Variants in SVIL observed in about 807,000 individuals in gnomAD.
SVIL encodes supervillin, also known as archvillin.
A neutral mutation model predicts 240.4 loss-of-function variants in SVIL; 101 were observed. That is an observed-to-expected ratio of 0.42 (90% CI 0.36 to 0.50). SVIL has a LOEUF of 0.50. Ranked by LOEUF, SVIL falls within the 20% of genes least tolerant of loss-of-function variation. SVIL has a pLI of 0.01. For synonymous variants in SVIL, 999 were observed against 1,100.0 expected (o/e 0.91, Z 1.82); for missense variants, 2,512 against 2,818.7 (o/e 0.89, Z 2.46).
chr10:29,624,844 G>T (rs1014809414), intron 1 of SVIL, among the ~76,000 whole-genome samples: 4 of 152,166 alleles, frequency 2.6e-5, no homozygotes, highest in Non-Finnish European at 5.9e-5. Flanking sequence ...TTATTTTCAT[G>T]TGGAGAGCTA....
At chr10:29,645,460 C>G (rs1958624627) in intron 3 of SVIL, among the ~76,000 whole-genome samples, 1 of 152,162 alleles carries the variant, frequency 6.6e-6, no homozygotes, top group East Asian at 1.9e-4. Context: ...GTCCAAACTA[C>G]TCGGGAGGCT....
At chr10:29,721,706 T>C (rs185296097) in intron 1 of SVIL, among the ~76,000 whole-genome samples, 2 of 152,272 alleles carry the variant, frequency 1.3e-5, no homozygotes, top group South Asian at 2.1e-4. Flanking sequence ...TGCATCCAAA[T>C]ACATGAAGCA....
chr10:29,599,388 T>TG (rs1422995914), intron 1 of SVIL, among the ~76,000 whole-genome samples: 10 of 151,780 alleles, frequency 6.6e-5, no homozygotes, highest in African/African-American at 2.4e-4. Context: ...TGCCCTCCAT[T>TG]TTTTTTTGTT....
intron 1 of SVIL, among the ~76,000 whole-genome samples, chr10:29,590,872 AG>A (rs1956364118): frequency 6.6e-6 from 1 of 152,262 alleles, no homozygotes; most frequent in African/African-American, 2.4e-5. Context: ...CCCTGGTGGC[AG>A]AAAAGAATCA....
intron 1 of SVIL, among the ~76,000 whole-genome samples, chr10:29,705,619 T>TA (rs772885099): frequency 2.0e-5 from 3 of 152,148 alleles, no homozygotes; most frequent in Non-Finnish European, 4.4e-5. Context: ...CTATTTGTCC[T>TA]AATGCTTTCC....
At chr10:29,465,060 C>G (rs1391099514) in intron 34 of SVIL, among the ~76,000 whole-genome samples, 1 of 152,208 alleles carries the variant, frequency 6.6e-6, no homozygotes, top group Non-Finnish European at 1.5e-5. Flanking sequence ...CTTCCCCAGG[C>G]TCCCTTGCAG....
intron 1 of SVIL, among the ~76,000 whole-genome samples, chr10:29,627,105 A>G (rs960933729): frequency 1.3e-5 from 2 of 152,220 alleles, no homozygotes; most frequent in African/African-American, 4.8e-5. Context: ...TGAAGCCATC[A>G]GAGAAGGGAG....
rs1228136597 is a variant in SVIL, at chr10:29,556,823, G to GCA, written c.-50-1716_-50-1715insTG. Among the ~76,000 whole-genome samples, 3 of 152,230 alleles carry GCA rather than the reference G, an allele frequency of 2.0e-5. No homozygotes were observed. In the East Asian group the frequency reaches 5.8e-4, roughly 29 times the overall value. The stretch of plus-strand genomic sequence containing the variant: ...GGGATTATGGTGATACAACTTTAAT[G>GCA]GCTGGTAGGACATATTTTGAAAATA... On this transcript the variant is annotated intron_variant, in intron 3 of 37. Transcript: ENST00000355867.
At chr10:29,716,754 A>C (rs904981429) in intron 1 of SVIL, among the ~76,000 whole-genome samples, 6 of 152,256 alleles carry the variant, frequency 3.9e-5, no homozygotes, top group African/African-American at 1.4e-4. Flanking sequence ...GGATTCTTGA[A>C]GCAGTTTATG....
At position 29,532,804 on chromosome 10, in the gene SVIL, A is replaced by C. The variant is rs757952518; in HGVS notation, c.1563T>G (p.Ser521Arg). 1.2e-6 allele frequency: 2 copies of C among 1,613,910 alleles called. No homozygotes were observed. Among genetic ancestry groups the C allele is most frequent in the African/African-American group, 2.7e-5 (2 of 74,872 alleles). Residue 521 changes from serine (S) to arginine (R), a missense_variant, in exon 8 of 38, where the codon AGT becomes AGG. Coordinates refer to ENST00000355867, the MANE Select transcript of SVIL (RefSeq NM_021738.3). ...GRSEMVLYIQ[S>R]EPVSQDAKPT... ...GTTTGGCGTCTTGGGACACAGGCTC[A>C]CTTTGAATGTAGAGAACCATCTCGC...
In SVIL at chr10:29,536,042, A is replaced by G. The variant is rs1163493177; in HGVS notation, c.855T>C (p.Phe285=). The G allele has an allele frequency of 1.2e-6, 2 of 1,614,234 alleles. No individual in the cohort carries two copies. The highest frequency in any genetic ancestry group is 4.5e-5 in the East Asian group (2 of 44,888). ...PSTGKPKHEW[F]LQKDSEGDTP... Reference sequence around the variant, plus strand: ...TGTCCCCTTCGGAATCTTTCTGGAGAAACCACTCATGTTTGGGTTTCCCTG... The same window carrying G: ...TGTCCCCTTCGGAATCTTTCTGGAGGAACCACTCATGTTTGGGTTTCCCTG... The change falls in exon 7 of 38, where the codon TTT becomes TTC. Residue 285 remains phenylalanine (F), a synonymous_variant. Coordinates refer to ENST00000355867, the MANE Select transcript of SVIL (RefSeq NM_021738.3).
In SVIL at chr10:29,523,538, G is replaced by A; in HGVS notation, c.3076C>T (p.Gln1026Ter). 1 of 1,614,148 alleles carries A rather than the reference G, an allele frequency of 6.2e-7. No individual in the cohort carries two copies. Among genetic ancestry groups the A allele is most frequent in the Non-Finnish European group, 8.5e-7 (1 of 1,180,026 alleles). Residue 1026 changes from glutamine (Q) to a stop codon, truncating the protein, a stop_gained, in exon 15 of 38, where the codon CAA (glutamine) becomes TAA (stop). Transcript: ENST00000355867. LOFTEE classifies it high-confidence loss of function. ...CTGTCCCTCAAGTCCAAGTTTCCTT[G>A]TGCATTCATTTTAGCCATGGAAAAT... ...KEFSMAKMNA[Q>*]GNLDLRDRLP...
chr10:29,478,860 G>GGCT (rs1449659818), intron 29 of SVIL, among the ~76,000 whole-genome samples: 8 of 146,670 alleles, frequency 5.5e-5, no homozygotes, highest in African/African-American at 2.0e-4. Flanking sequence ...GGGAGGTCAA[G>GGCT]GCTGCAGTGA....
At chr10:29,551,517 C>G (rs1953334522) in intron 5 of SVIL, among the ~76,000 whole-genome samples, 1 of 152,252 alleles carries the variant, frequency 6.6e-6, no homozygotes, top group African/African-American at 2.4e-5. Flanking sequence ...GCTTTAACTT[C>G]AGCTCAGCCC....
chr10:29,584,193 G>A (rs1017268892), intron 1 of SVIL, among the ~76,000 whole-genome samples: 4 of 152,224 alleles, frequency 2.6e-5, no homozygotes, highest in African/African-American at 9.6e-5. Flanking sequence ...CAGTGTGGGA[G>A]CTGGAACTGG....
chr10:29,489,039 C>G (rs923078317), intron 22 of SVIL, among the ~76,000 whole-genome samples: 1 of 152,232 alleles, frequency 6.6e-6, no homozygotes, highest in African/African-American at 2.4e-5. Context: ...TACTTTAGTA[C>G]AAAACCAGGA....
chr10:29,646,870 G>A (rs1460908440), intron 3 of SVIL, among the ~76,000 whole-genome samples: 2 of 152,118 alleles, frequency 1.3e-5, no homozygotes, highest in African/African-American at 2.4e-5. Flanking sequence ...GTATTCTCAG[G>A]ACCATGTCTG....
chr10:29,710,260 C>A (rs1329550034), intron 1 of SVIL, among the ~76,000 whole-genome samples: 1 of 152,090 alleles, frequency 6.6e-6, no homozygotes, highest in East Asian at 1.9e-4. Flanking sequence ...CACTATATTG[C>A]CCAGGCTAGT....
rs907807163 is a variant in SVIL, at chr10:29,469,906, C to T, written c.5843+370G>A. 6.6e-5 allele frequency among the ~76,000 whole-genome samples: 10 copies of T among 152,194 alleles called. No homozygotes were observed. In the East Asian group the frequency reaches 9.6e-4, roughly 15 times the overall value. Reference sequence around the variant, plus strand: ...TTTAACACTCTGCTGTTCTGGCAAACGAAAACTCCACAAATTTGAAATGTG... The same window carrying T: ...TTTAACACTCTGCTGTTCTGGCAAATGAAAACTCCACAAATTTGAAATGTG... On this transcript the variant is annotated intron_variant, in intron 32 of 37. Transcript: ENST00000355867.
Sources: gnomAD v4.1 joint callset for allele counts (sites outside exome capture counted in the v4.1 genomes callset) on GRCh38, gnomAD v4.1.1 for gene constraint, MANE v1.5 for transcripts, NCBI Gene and HGNC (gene_info 2026-07-23, HGNC 2026-07-21) for gene names.